Variants in SEC14L6 observed in about 807,000 individuals in gnomAD.
SEC14L6 encodes the protein SEC14-like protein 6.
Under a neutral mutation model 54.1 loss-of-function variants are expected in SEC14L6, and 40 were observed. That is an observed-to-expected ratio of 0.74 (90% CI 0.57 to 0.96). The LOEUF is 0.96. SEC14L6 is among the 40% of genes least tolerant of loss of function. The pLI, the probability that SEC14L6 is intolerant of heterozygous loss-of-function variation, is 0.00. For missense variants in SEC14L6, 471 were observed against 498.3 expected (o/e 0.95, Z 0.52); for synonymous variants, 171 against 198.4 (o/e 0.86, Z 1.16).
intron 2 of SEC14L6, among the ~76,000 whole-genome samples, chr22:30,537,987 G>C (rs1224219349): frequency 6.6e-6 from 1 of 152,136 alleles, no homozygotes; most frequent in Non-Finnish European, 1.5e-5. Context: ...TTCTGTCTTT[G>C]ACAGTTCCCT....
At position 30,534,087 on chromosome 22, in the gene SEC14L6, C is replaced by T. The variant is rs559847030; in HGVS notation, c.131-48G>A. On this transcript the variant is annotated intron_variant, in intron 2 of 11. Coordinates refer to ENST00000402034, the MANE Select transcript of SEC14L6 (RefSeq NM_001193336.4). The stretch of plus-strand genomic sequence containing the variant: ...GGTTGTGGAATTCTAGAGGCTCACT[C>T]CAGGCTTCTGGAGAGACAACGGCCC... The T allele has an allele frequency of 2.0e-4, 311 of 1,539,522 alleles. 1 individual carries two copies. Among genetic ancestry groups the T allele is most frequent in the South Asian group, 7.2e-5 (6 of 83,804 alleles).
At chr22:30,531,177 G>A (rs1009498655) in intron 6 of SEC14L6, among the ~76,000 whole-genome samples, 10 of 152,110 alleles carry the variant, frequency 6.6e-5, no homozygotes, top group African/African-American at 2.4e-4. Flanking sequence ...GGAGGGTAAG[G>A]CAGGCAGATC....
intron 3 of SEC14L6, among the ~76,000 whole-genome samples, chr22:30,533,746 C>T (rs1937058498): frequency 6.6e-6 from 1 of 152,290 alleles, no homozygotes. Flanking sequence ...CCCTCCTTCC[C>T]TGTTTTGCTG....
At chr22:30,531,608 C>A (rs950611619) in intron 6 of SEC14L6, among the ~76,000 whole-genome samples, 1 of 152,156 alleles carries the variant, frequency 6.6e-6, no homozygotes, top group African/African-American at 2.4e-5. Flanking sequence ...TCTGCAATCG[C>A]AGCTACTCGG....
chr22:30,530,500 A>T (rs1936934070), intron 6 of SEC14L6, among the ~76,000 whole-genome samples: 2 of 152,206 alleles, frequency 1.3e-5, no homozygotes, highest in Non-Finnish European at 2.9e-5. Context: ...TTCTGGGCTC[A>T]AACGATCATC....
At chr22:30,529,404 C>A in intron 6 of SEC14L6, 55 bp from the exon 7 acceptor site, 1 of 1,386,194 alleles carries the variant, frequency 7.2e-7, no homozygotes, top group South Asian at 1.2e-5. Context: ...CCCTTGCATC[C>A]CCTCTCGCCC....
chr22:30,528,422 C>CCTTTT (rs773969166), intron 8 of SEC14L6, among the ~76,000 whole-genome samples: 11 of 105,522 alleles, frequency 1.0e-4, no homozygotes, highest in East Asian at 7.4e-4. Context: ...CGCTCGGCCT[C>CCTTTT]TTTTTTTTTT....
rs561013335 is a variant in SEC14L6 at position 30,540,003 on chromosome 22, T to C, written c.55-1101A>G. ...GAGCACCGGACAAAGAGTCAGCAGGTCCCACTGTGGCCTTGCCTGAGTCAC... is the reference window on the plus strand; with the variant it reads ...GAGCACCGGACAAAGAGTCAGCAGGCCCCACTGTGGCCTTGCCTGAGTCAC... On this transcript the variant is annotated intron_variant, in intron 1 of 11. Transcript: ENST00000402034. Among the ~76,000 whole-genome samples, 318 of 152,304 alleles carry C rather than the reference T, an allele frequency of 2.1e-3. 2 individuals are homozygous for C. The highest frequency in any genetic ancestry group is 7.3e-3 in the African/African-American group (304 of 41,556).
intron 2 of SEC14L6, among the ~76,000 whole-genome samples, chr22:30,534,879 GCTGGGCATGGTGGTGGGC>G (rs1937096938): frequency 6.6e-6 from 1 of 151,886 alleles, no homozygotes; most frequent in Non-Finnish European, 1.5e-5. Context: ...ACAAAAATTA[GCTGGGCATGGTGGTGGGC>G]ACCTGTAATC....
In SEC14L6 at chr22:30,543,449, C is replaced by A. The variant is rs908713534; in HGVS notation, c.54+3180G>T. ...ACCTGGTTGGAGAACGGCAATGTGT[C>A]CCGGACAGAAACGGCCTCAACTCTT... is the stretch of plus-strand genomic sequence containing the variant. On this transcript the variant is annotated intron_variant, in intron 1 of 11. Coordinates refer to ENST00000402034, the MANE Select transcript of SEC14L6 (RefSeq NM_001193336.4). The A allele has an allele frequency of 3.0e-5, 49 of 1,611,722 alleles. No individual in the cohort carries two copies. The African/African-American group carries it at 6.4e-4, about 21-fold the overall frequency.
chr22:30,525,097 A>T lies in SEC14L6; in HGVS notation c.1094T>A (p.Phe365Tyr). The T allele has an allele frequency of 6.5e-7, 1 of 1,544,140 alleles. No homozygotes were observed. ...CLQAGSYVLR[F>Y]YNTYSLVHSK... ...ATGAACCAGGCTGTAGGTGTTGTAA[A>T]ACCTCAGGACATCTGCAGTGAGGGA... Residue 365 changes from phenylalanine to tyrosine, a missense_variant, in exon 12 of 12, where the codon TTT becomes TAT. Physicochemically the swap from Phe to Tyr is conservative, Grantham distance 22. Coordinates refer to ENST00000402034, the MANE Select transcript of SEC14L6 (RefSeq NM_001193336.4).
rs1391289503 is a variant in SEC14L6, at chr22:30,533,991, CT to C, written c.174+4del. 2.8e-5 allele frequency: 44 copies of C among 1,550,336 alleles called. No individual in the cohort carries two copies. The Admixed American group carries it at 8.6e-4, about 30-fold the overall frequency. On this transcript the variant is annotated splice_donor_region_variant and intron_variant, in intron 3 of 11. Coordinates refer to ENST00000402034, the MANE Select transcript of SEC14L6 (RefSeq NM_001193336.4). ...AGGCTAGGCAGGGGGAGGTGTCAAC[CT>C]CACCTTCCTCAGCATGTCCTCTGAT...
Position 30,538,884 on chromosome 22 carries a change from C to CT in SEC14L6, c.72dup (p.Asp25ArgfsTer10). The CT allele has an allele frequency of 6.4e-7, 1 of 1,554,670 alleles. No individual in the cohort carries two copies. Among genetic ancestry groups the CT allele is most frequent in the Non-Finnish European group, 8.7e-7 (1 of 1,148,546 alleles). On this transcript the variant is annotated frameshift_variant, in exon 2 of 12. Coordinates refer to ENST00000402034, the MANE Select transcript of SEC14L6 (RefSeq NM_001193336.4). LOFTEE classifies it high-confidence loss of function. ...GGATTGGGCAGCGCAGATAGCACAT[C>CT]TTGGATGTTCTCCCGGAACTGAGGA...
Position 30,529,090 on chromosome 22 carries a change from C to G in SEC14L6, c.661G>C (p.Gly221Arg). The G allele has an allele frequency of 1.9e-6, 3 of 1,550,670 alleles. No homozygotes were observed. Among genetic ancestry groups the G allele is most frequent in the South Asian group, 1.2e-5 (1 of 84,022 alleles). Residue 221 changes from glycine to arginine, a missense_variant, in exon 8 of 12, where the codon GGA (glycine) becomes CGA (arginine). By Grantham distance (125) the Gly-to-Arg change is moderately radical. Transcript: ENST00000402034. Reference protein sequence around the residue: ...EETRRKVVILGDNWKQELTKF... With the variant: ...EETRRKVVILRDNWKQELTKF... The stretch of plus-strand genomic sequence containing the variant: ...AGGCCGCAGAGGGCTCACTCACCTC[C>G]GAGAATCACCACCTTCCTGCGTGTC...
In SEC14L6 at chr22:30,542,000, C is replaced by T. The variant is rs973988619; in HGVS notation, c.55-3098G>A. ...CTTGAGGAAGAAAACCAAGAACAGG[C>T]ACAGGAGAAATTGTGCCTGTTCTTG... On this transcript the variant is annotated intron_variant, in intron 1 of 11. Coordinates refer to ENST00000402034, the MANE Select transcript of SEC14L6 (RefSeq NM_001193336.4). Among the ~76,000 whole-genome samples the T allele has an allele frequency of 3.9e-5, 6 of 152,292 alleles. No individual in the cohort carries two copies. In the East Asian group the frequency reaches 9.7e-4, roughly 25 times the overall value.
chr22:30,527,949 G>C (rs1936830999), intron 8 of SEC14L6, among the ~76,000 whole-genome samples: 2 of 151,502 alleles, frequency 1.3e-5, no homozygotes, highest in African/African-American at 2.4e-5. Flanking sequence ...GTTACAAAAG[G>C]GTATATGTAT....
At position 30,532,859 on chromosome 22, in the gene SEC14L6, G is replaced by A. The variant is rs1937031358; in HGVS notation, c.175-3C>T. On this transcript the variant is annotated splice_region_variant and splice_polypyrimidine_tract_variant and intron_variant, in intron 3 of 11. Transcript: ENST00000402034. ...TGTTGCTTCCGGAACTCCATATGCT[G>A]CAGAGACACGGCAGGAGGTGGTGAA... 1 of 1,613,272 alleles carries A rather than the reference G, an allele frequency of 6.2e-7. No individual in the cohort carries two copies. Among genetic ancestry groups the A allele is most frequent in the East Asian group, 2.2e-5 (1 of 44,864 alleles).
At chr22:30,544,054 T>C (rs2085771838) in intron 1 of SEC14L6, 13 of 1,527,982 alleles carry the variant, frequency 8.5e-6, no homozygotes, top group Non-Finnish European at 9.1e-6. Context: ...CTTCTCAGAG[T>C]ATGCCAGCAT....
chr22:30,534,831 C>T (rs1474043809), intron 2 of SEC14L6, among the ~76,000 whole-genome samples: 2 of 152,060 alleles, frequency 1.3e-5, no homozygotes, highest in African/African-American at 4.8e-5. Flanking sequence ...TCGAGACCAG[C>T]CTGGACAACA....
Sources: allele counts gnomAD v4.1 joint callset (sites outside exome capture counted in the v4.1 genomes callset), GRCh38; gene constraint gnomAD v4.1.1; transcripts MANE v1.5; gene names NCBI Gene and HGNC (gene_info 2026-07-23, HGNC 2026-07-21).